Variants in CHD2 observed in about 807,000 individuals in gnomAD.
The protein encoded by CHD2 is chromodomain helicase DNA binding protein 2.
CHD2 carries 28 observed loss-of-function variants against 243.9 expected under a neutral mutation model. The ratio of observed to expected loss-of-function variants is 0.11; its 90% CI spans 0.09 to 0.16. CHD2 has a LOEUF of 0.16. Among genes scored for constraint, CHD2 ranks in the 10% least tolerant of loss-of-function variants. CHD2 has a pLI of 1.00. For synonymous variants in CHD2, 775 were observed against 779.0 expected (o/e 0.99, Z 0.09); for missense variants, 1,386 against 2,209.8 (o/e 0.63, Z 7.47).
At chr15:92,961,012 C>T (rs2141822178) in intron 16 of CHD2, among the ~76,000 whole-genome samples, 1 of 152,258 alleles carries the variant, frequency 6.6e-6, no homozygotes, top group East Asian at 1.9e-4. Context: ...GCGTGAGCCA[C>T]TGTGCCTGGC....
chr15:92,993,208 G>T (rs983560781), intron 28 of CHD2: 24 of 474,250 alleles, frequency 5.1e-5, no homozygotes, highest in African/African-American at 4.5e-4. Context: ...GGTGTAGAGT[G>T]AAGAAAAAGA....
intron 21 of CHD2, 70 bp from the exon 22 acceptor site, chr15:92,979,065 T>C: frequency 1.9e-6 from 3 of 1,571,602 alleles, no homozygotes; most frequent in Non-Finnish European, 2.6e-6. Context: ...ACAGAGCTAA[T>C]CCTTCTCTCT....
intron 38 of CHD2, chr15:93,021,083 C>T (rs1008369413): frequency 2.0e-5 from 3 of 152,140 alleles, no homozygotes; most frequent in Admixed American, 6.5e-5. Flanking sequence ...TTCCTTTTGC[C>T]TGAAGGACTT....
At chr15:92,939,510 C>T (rs781149247) in intron 6 of CHD2, 68 bp from the exon 7 acceptor site, 7 of 1,512,174 alleles carry the variant, frequency 4.6e-6, no homozygotes, top group South Asian at 3.7e-5. Context: ...CTGGGAAATA[C>T]TGTTATATAA....
At chr15:92,927,210 A>G (rs750243069) in intron 3 of CHD2, 34 bp from the exon 4 acceptor site, 1 of 1,475,474 alleles carries the variant, frequency 6.8e-7, no homozygotes, top group Admixed American at 1.7e-5. Context: ...GGGGTCAAGA[A>G]AAAAGATTAA....
intron 19 of CHD2, among the ~76,000 whole-genome samples, chr15:92,973,733 A>G (rs2053872655): frequency 6.6e-6 from 1 of 152,220 alleles, no homozygotes; most frequent in Admixed American, 6.5e-5. Context: ...ATCCCGTGAT[A>G]CCAAGTAAAT....
chr15:92,927,598 C>A (rs140495921), intron 4 of CHD2, among the ~76,000 whole-genome samples: 2 of 152,074 alleles, frequency 1.3e-5, no homozygotes, highest in African/African-American at 4.8e-5. Context: ...TTTAAGTTGT[C>A]TCTCATAGTG....
chr15:93,010,278 G>A (rs548744247), intron 35 of CHD2, among the ~76,000 whole-genome samples: 1 of 152,044 alleles, frequency 6.6e-6, no homozygotes, highest in African/African-American at 2.4e-5. Flanking sequence ...AGATTATGCT[G>A]CTATAAACAT....
At chr15:92,986,379 AATAGTC>A (rs2054042950) in intron 26 of CHD2, among the ~76,000 whole-genome samples, 1 of 152,156 alleles carries the variant, frequency 6.6e-6, no homozygotes, top group Admixed American at 6.5e-5. Context: ...AATTATATTA[AATAGTC>A]CTTTAAGTTT....
At chr15:93,019,908 G>A (rs1335457272) in intron 37 of CHD2, 104 bp from the exon 38 acceptor site, 2 of 1,383,494 alleles carry the variant, frequency 1.4e-6, no homozygotes, top group Non-Finnish European at 9.7e-7. Flanking sequence ...ACTCCAGCCT[G>A]GGCAAACAGA....
chr15:92,916,594 C>T (rs1019021005), intron 2 of CHD2, among the ~76,000 whole-genome samples: 2 of 152,184 alleles, frequency 1.3e-5, no homozygotes, highest in African/African-American at 4.8e-5. Context: ...CACCCTGTTG[C>T]TCAGGCTGGA....
chr15:92,963,785 A>G (rs1317042152), intron 16 of CHD2, among the ~76,000 whole-genome samples: 1 of 152,234 alleles, frequency 6.6e-6, no homozygotes, highest in East Asian at 1.9e-4. Flanking sequence ...TGTCCTTTGA[A>G]CTTCAAGTTC....
Position 92,939,657 on chromosome 15 carries a change from G to T in CHD2, c.631G>T (p.Asp211Tyr), listed in dbSNP as rs2141778445. 1 of 1,613,080 alleles carries T rather than the reference G, an allele frequency of 6.2e-7. No homozygotes were observed. Among genetic ancestry groups the T allele is most frequent in the Non-Finnish European group, 8.5e-7 (1 of 1,179,354 alleles). The change falls in exon 7 of 39, where the codon GAT becomes TAT. Residue 211 changes from aspartate (D) to tyrosine (Y), a missense_variant. Physicochemically the swap from Asp to Tyr is radical, Grantham distance 160. This residue lies in a region of CHD2 where 90 missense variants were observed against 78.0 expected (regional missense o/e 1.15). Coordinates refer to ENST00000394196, the MANE Select transcript of CHD2 (RefSeq NM_001271.4). Reference protein sequence around the residue: ...KRKKQDSSDEDDDDDEAPKRQ... With the variant: ...KRKKQDSSDEYDDDDEAPKRQ... The stretch of plus-strand genomic sequence containing the variant: ...AAAAAAGCAAGATTCTTCTGATGAG[G>T]ATGATGATGATGACGAAGCTCCCAA...
chr15:92,918,055 T>G (rs986034782), intron 2 of CHD2, among the ~76,000 whole-genome samples: 7 of 152,194 alleles, frequency 4.6e-5, no homozygotes, highest in African/African-American at 1.4e-4. Flanking sequence ...TAAAGTGAAA[T>G]GGCGGCTTTT....
intron 16 of CHD2, 139 bp from the exon 17 acceptor site, chr15:92,967,186 T>C (rs2053776757): frequency 3.3e-6 from 2 of 598,390 alleles, no homozygotes. Flanking sequence ...TTTTCCCCTT[T>C]TTGTTTTCCC....
chr15:92,917,862 C>CA (rs1382492300), intron 2 of CHD2, among the ~76,000 whole-genome samples: 1 of 152,188 alleles, frequency 6.6e-6, no homozygotes, highest in Non-Finnish European at 1.5e-5. Flanking sequence ...ATATGCCTGA[C>CA]ACAAAAGTGC....
At chr15:93,009,668 A>G (rs2054365979) in intron 35 of CHD2, among the ~76,000 whole-genome samples, 1 of 152,244 alleles carries the variant, frequency 6.6e-6, no homozygotes, top group Non-Finnish European at 1.5e-5. Flanking sequence ...GTTGATATCC[A>G]GATATTCAGA....
At chr15:92,929,992 A>G (rs1017954443) in intron 5 of CHD2, among the ~76,000 whole-genome samples, 16 of 146,912 alleles carry the variant, frequency 1.1e-4, no homozygotes, top group Admixed American at 5.6e-4. Flanking sequence ...GACATTAAAT[A>G]AATGTAGGGT....
Position 92,989,025 on chromosome 15 carries a change from C to CTT in CHD2, c.3414-2429_3414-2428dup, listed in dbSNP as rs34298248. ...TCCTATGTATACTTCATACTTCATACTTTTTTTTTTTTTTTTTTTTTTTGA... is the reference window on the plus strand; with the variant it reads ...TCCTATGTATACTTCATACTTCATACTTTTTTTTTTTTTTTTTTTTTTTTTGA... On this transcript the variant is annotated intron_variant, in intron 26 of 38. Coordinates refer to ENST00000394196, the MANE Select transcript of CHD2 (RefSeq NM_001271.4). 7.6e-3 allele frequency among the ~76,000 whole-genome samples: 579 copies of CTT among 76,496 alleles called. 9 individuals are homozygous for CTT. The highest frequency in any genetic ancestry group is 0.021 in the African/African-American group (417 of 19,694). The allele number at this position is 76,496 out of a possible 152,430, so 50.2% of individuals were successfully genotyped here. A position where few individuals can be genotyped will look rare whatever the true frequency, so the allele number is the denominator to read the frequency against.
Sources: gnomAD v4.1 joint callset for allele counts (sites outside exome capture counted in the v4.1 genomes callset) on GRCh38, gnomAD v4.1.1 for gene constraint, gnomAD v4.1.1 regional missense constraint, MANE v1.5 for transcripts, NCBI Gene and HGNC (gene_info 2026-07-23, HGNC 2026-07-21) for gene names.